The following ERLIN1 variants were observed in gnomAD, a reference collection of about 807,000 sequenced individuals.
ERLIN1 encodes erlin-1.
A neutral mutation model predicts 46.9 loss-of-function variants in ERLIN1; 24 were observed. That is an observed-to-expected ratio of 0.51 (90% CI 0.37 to 0.72). The LOEUF is 0.72. ERLIN1 is among the 30% of genes least tolerant of loss of function. The probability of loss-of-function intolerance (pLI) is 0.00; values close to 1 mark genes in which losing one functional copy is unlikely to be tolerated. For synonymous variants in ERLIN1, 158 were observed against 143.2 expected (o/e 1.10, Z -0.74); for missense variants, 293 against 417.9 (o/e 0.70, Z 2.61).
intron 8 of ERLIN1, among the ~76,000 whole-genome samples, chr10:100,157,202 G>A (rs1843126823): frequency 6.6e-6 from 1 of 152,186 alleles, no homozygotes; most frequent in African/African-American, 2.4e-5. Flanking sequence ...AGGATCTACT[G>A]TTAAGTTACC....
chr10:100,183,970 A>C (rs994570433), intron 1 of ERLIN1, 133 bp from the exon 2 acceptor site: 2 of 625,500 alleles, frequency 3.2e-6, no homozygotes, highest in Non-Finnish European at 5.6e-6. Context: ...TGAATTGCTC[A>C]TAATGAACAA....
rs1843212877 is a variant in ERLIN1 at position 100,158,921 on chromosome 10, A to G, written c.656-2687T>C. 2.0e-5 allele frequency among the ~76,000 whole-genome samples: 3 copies of G among 152,342 alleles called. No individual in the cohort carries two copies. In the East Asian group the frequency reaches 5.8e-4, roughly 29 times the overall value. ...AATGCATGGTAAATAGCACATAATCAAATGATACAAACACATCCAAATATA... is the reference window on the plus strand; with the variant it reads ...AATGCATGGTAAATAGCACATAATCGAATGATACAAACACATCCAAATATA... On this transcript the variant is annotated intron_variant, in intron 8 of 10. Coordinates refer to ENST00000421367, the MANE Select transcript of ERLIN1 (RefSeq NM_006459.4).
intron 3 of ERLIN1, among the ~76,000 whole-genome samples, 172 bp downstream of exon 3, chr10:100,179,029 A>G (rs1844478148): frequency 6.6e-6 from 1 of 152,238 alleles, no homozygotes; most frequent in Non-Finnish European, 1.5e-5. Flanking sequence ...ATGGTTCTTA[A>G]GATGGAAAAG....
At chr10:100,166,380 A>T (rs1843641393) in intron 7 of ERLIN1, among the ~76,000 whole-genome samples, 1 of 152,028 alleles carries the variant, frequency 6.6e-6, no homozygotes, top group African/African-American at 2.4e-5. Context: ...GTGAGCCGTG[A>T]TTGTGCCACT....
intron 9 of ERLIN1, among the ~76,000 whole-genome samples, chr10:100,155,383 A>G (rs1323002065): frequency 6.6e-6 from 1 of 152,168 alleles, no homozygotes; most frequent in East Asian, 1.9e-4. Flanking sequence ...AGCTAAGAAC[A>G]TCAACATCTC....
chr10:100,174,203 C>G lies in ERLIN1; in HGVS notation c.504+5G>C. 6.4e-7 allele frequency: 1 copy of G among 1,552,352 alleles called. No homozygotes were observed. The highest frequency in any genetic ancestry group is 8.7e-7 in the Non-Finnish European group (1 of 1,143,566). ...CCAGAGAACTTCCCTAGGAAAAGAA[C>G]TTACCTGTATAGTGAGACCTGGGGC... is the stretch of plus-strand genomic sequence containing the variant. On this transcript the variant is annotated splice_donor_5th_base_variant and intron_variant, in intron 6 of 10. Transcript: ENST00000421367.
rs573202250 is a variant in ERLIN1, at chr10:100,150,981, C to T, written c.*1150G>A. On this transcript the variant is annotated 3_prime_UTR_variant, in exon 11 of 11. Coordinates refer to ENST00000421367, the MANE Select transcript of ERLIN1 (RefSeq NM_006459.4). ...AGAAACAACTTGGATTTAAGCATCT[C>T]TGGGCCAGGTGGGAAGGAGACAATG... The T allele has an allele frequency of 1.3e-5, 2 of 152,424 alleles. No homozygotes were observed. The highest frequency in any genetic ancestry group is 2.1e-4 in the South Asian group (1 of 4,828). 9.4% of individuals were successfully genotyped at this position (152,424 alleles called of 1,614,324 possible).
intron 1 of ERLIN1, among the ~76,000 whole-genome samples, chr10:100,184,233 T>C (rs2134188287): frequency 6.6e-6 from 1 of 152,176 alleles, no homozygotes; most frequent in South Asian, 2.1e-4. Context: ...AATCACCAGG[T>C]TGAAAAAAAG....
chr10:100,166,594 A>G (rs1843656461), intron 7 of ERLIN1, among the ~76,000 whole-genome samples: 1 of 152,202 alleles, frequency 6.6e-6, no homozygotes, highest in Non-Finnish European at 1.5e-5. Context: ...TGCTCCTTGG[A>G]CTTCCAGTAT....
At chr10:100,167,489 T>C (rs1265634303) in intron 6 of ERLIN1, 83 bp from the exon 7 acceptor site, 16 of 1,097,306 alleles carry the variant, frequency 1.5e-5, no homozygotes, top group Non-Finnish European at 2.2e-5. Flanking sequence ...GCCCCTCAAA[T>C]GATACTAATC....
chr10:100,169,243 A>C (rs1345466982), intron 6 of ERLIN1, among the ~76,000 whole-genome samples: 1 of 152,128 alleles, frequency 6.6e-6, no homozygotes, highest in Non-Finnish European at 1.5e-5. Flanking sequence ...CTCTGCTCTT[A>C]ACCTCAAATA....
At chr10:100,175,159 G>C (rs1263318796) in intron 5 of ERLIN1, among the ~76,000 whole-genome samples, 1 of 152,242 alleles carries the variant, frequency 6.6e-6, no homozygotes, top group Non-Finnish European at 1.5e-5. Context: ...AGTGAGTTAA[G>C]AAAGCAGGGC....
At chr10:100,184,158 T>C (rs894927176) in intron 1 of ERLIN1, among the ~76,000 whole-genome samples, 1 of 152,194 alleles carries the variant, frequency 6.6e-6, no homozygotes, top group East Asian at 1.9e-4. Flanking sequence ...AAAATTCTAA[T>C]GGCTTTCAGT....
chr10:100,152,865 T>C (rs574581034), intron 10 of ERLIN1, among the ~76,000 whole-genome samples: 1 of 152,258 alleles, frequency 6.6e-6, no homozygotes, highest in South Asian at 2.1e-4. Context: ...CTTTTTTTTT[T>C]CTGGAGATGA....
At chr10:100,154,056 C>A (rs1182106994) in intron 10 of ERLIN1, among the ~76,000 whole-genome samples, 1 of 152,156 alleles carries the variant, frequency 6.6e-6, no homozygotes, top group Non-Finnish European at 1.5e-5. Flanking sequence ...ACTGCATCAT[C>A]CACTTTAGTA....
At chr10:100,164,895 A>G (rs1843549419) in intron 7 of ERLIN1, among the ~76,000 whole-genome samples, 1 of 152,140 alleles carries the variant, frequency 6.6e-6, no homozygotes, top group East Asian at 1.9e-4. Flanking sequence ...CCACTATACC[A>G]ACAAGGAAGA....
At chr10:100,153,443 T>C (rs1196566035) in intron 10 of ERLIN1, among the ~76,000 whole-genome samples, 1 of 152,224 alleles carries the variant, frequency 6.6e-6, no homozygotes, top group Admixed American at 6.5e-5. Context: ...CTGTAACATA[T>C]GCCTTTCAAA....
intron 6 of ERLIN1, among the ~76,000 whole-genome samples, chr10:100,169,976 C>G (rs552878847): frequency 6.6e-6 from 1 of 152,174 alleles, no homozygotes; most frequent in African/African-American, 2.4e-5. Context: ...TATGATCATG[C>G]CACTGCACTC....
At chr10:100,171,997 G>A (rs1190684758) in intron 6 of ERLIN1, among the ~76,000 whole-genome samples, 1 of 152,094 alleles carries the variant, frequency 6.6e-6, no homozygotes, top group Non-Finnish European at 1.5e-5. Flanking sequence ...AGGTGATTCG[G>A]TAGTATGTAT....
Sources: allele counts gnomAD v4.1 joint callset (sites outside exome capture counted in the v4.1 genomes callset), GRCh38; gene constraint gnomAD v4.1.1; transcripts MANE v1.5; gene names NCBI Gene and HGNC (gene_info 2026-07-23, HGNC 2026-07-21).